The following RAB14 variants were observed in gnomAD, a reference collection of about 807,000 sequenced individuals.
RAB14 encodes the protein RAB14, member RAS oncogene family, also known as ras-related protein Rab-14.
RAB14 carries 3 observed loss-of-function variants against 31.1 expected under a neutral mutation model. The observed-to-expected ratio is 0.10, with a 90% CI of 0.04 to 0.25. The LOEUF is 0.25. Among genes scored for constraint, RAB14 ranks in the 10% least tolerant of loss-of-function variants. The probability of loss-of-function intolerance (pLI) is 1.00; values close to 1 mark genes in which losing one functional copy is unlikely to be tolerated. For missense variants in RAB14, 111 were observed against 260.1 expected, an observed-to-expected ratio of 0.43 and a Z score of 3.94; for synonymous variants, 85 against 84.9, an observed-to-expected ratio of 1.00 and a Z score of 0.00.
At chr9:121,188,073 T>TCAGA (rs1588368832) in intron 4 of RAB14, among the ~76,000 whole-genome samples, 1 of 151,962 alleles carries the variant, frequency 6.6e-6, no homozygotes, top group East Asian at 1.9e-4. Flanking sequence ...AACTCCTTAG[T>TCAGA]CAGACTTTTA....
Position 121,180,190 on chromosome 9 carries a change from C to G in RAB14, c.*1206G>C, listed in dbSNP as rs1176195909. 1 of 152,602 alleles carries G rather than the reference C, an allele frequency of 6.6e-6. No individual in the cohort carries two copies. Among genetic ancestry groups the G allele is most frequent in the Non-Finnish European group, 1.5e-5 (1 of 68,042 alleles). 9.5% of individuals were successfully genotyped at this position (152,602 alleles called of 1,614,324 possible). A position where few individuals can be genotyped will look rare whatever the true frequency, so the allele number is the denominator to read the frequency against. On this transcript the variant is annotated 3_prime_UTR_variant, in exon 8 of 8. Coordinates refer to ENST00000373840, the MANE Select transcript of RAB14 (RefSeq NM_016322.4). Reference sequence around the variant, plus strand: ...CACAGGGATATCTTAAGTTATTTCACTGTAGGGTTAAAAATGCACAATTTA... The same window carrying G: ...CACAGGGATATCTTAAGTTATTTCAGTGTAGGGTTAAAAATGCACAATTTA...
intron 1 of RAB14, among the ~76,000 whole-genome samples, chr9:121,193,722 GTA>G (rs2053698917): frequency 6.6e-6 from 1 of 151,878 alleles, no homozygotes; most frequent in African/African-American, 2.4e-5. Context: ...AATCCAATAA[GTA>G]TTAATCTGAA....
chr9:121,197,774 A>G (rs2053726306), intron 1 of RAB14, among the ~76,000 whole-genome samples: 1 of 152,228 alleles, frequency 6.6e-6, no homozygotes, highest in Non-Finnish European at 1.5e-5. Context: ...TATCCTACAT[A>G]TACAAAAGCT....
At chr9:121,195,552 A>C (rs2053710645) in intron 1 of RAB14, among the ~76,000 whole-genome samples, 1 of 152,176 alleles carries the variant, frequency 6.6e-6, no homozygotes, top group South Asian at 2.1e-4. Context: ...ACATTCATTA[A>C]ATGTGAGATA....
In RAB14 at chr9:121,180,988, C is replaced by T. The variant is rs149138111; in HGVS notation, c.*408G>A. On this transcript the variant is annotated 3_prime_UTR_variant, in exon 8 of 8. Transcript: ENST00000373840. Reference sequence around the variant, plus strand: ...ACAGCAATAAACTTATTGGTTACAACAGACATACTTGAACAGTTAAGGATG... The same window carrying T: ...ACAGCAATAAACTTATTGGTTACAATAGACATACTTGAACAGTTAAGGATG... 5.2e-5 allele frequency: 8 copies of T among 155,192 alleles called. No homozygotes were observed. The highest frequency in any genetic ancestry group is 2.9e-5 in the Non-Finnish European group (2 of 69,888). The allele number at this position is 155,192 out of a possible 1,614,324, so 9.6% of individuals were successfully genotyped here.
rs146452346 is a variant in RAB14 at position 121,188,084 on chromosome 9, TTG to T, written c.285-1067_285-1066del. ...AAAGAACTCCTTAGTCAGACTTTTA[TTG>T]TGTTACATCATATTATTCATAAATC... On this transcript the variant is annotated intron_variant, in intron 4 of 7. Transcript: ENST00000373840. 1.4e-3 allele frequency among the ~76,000 whole-genome samples: 210 copies of T among 152,120 alleles called. No individual in the cohort carries two copies. In the East Asian group the frequency reaches 0.017, roughly 12 times the overall value.
chr9:121,188,273 C>CTTTTTAAA (rs1182964443), intron 4 of RAB14, among the ~76,000 whole-genome samples: 2 of 151,924 alleles, frequency 1.3e-5, no homozygotes, highest in East Asian at 3.8e-4. Context: ...CTTTATACAA[C>CTTTTTAAA]AGGTATGTTT....
intron 6 of RAB14, 54 bp from the exon 7 acceptor site, chr9:121,183,014 C>A: frequency 6.6e-7 from 1 of 1,516,056 alleles, no homozygotes; most frequent in South Asian, 1.2e-5. Flanking sequence ...CTCACAAGTG[C>A]ACTTCTTTAG....
intron 1 of RAB14, among the ~76,000 whole-genome samples, chr9:121,201,353 G>T (rs1032196040): frequency 6.6e-5 from 10 of 152,224 alleles, no homozygotes; most frequent in Admixed American, 5.2e-4. Context: ...GGCGAGGCCG[G>T]AACACACCCT....
At position 121,192,130 on chromosome 9, in the gene RAB14, T is replaced by TA. The variant is rs2053690171; in HGVS notation, c.106+40dup. ...TTTCTAAAAAGTAGAAACATGGCGA[T>TA]AAAGAAAACTATTAATGTTTACCTC... On this transcript the variant is annotated intron_variant, in intron 3 of 7. Transcript: ENST00000373840. 4.3e-6 allele frequency: 6 copies of TA among 1,391,324 alleles called. No individual in the cohort carries two copies. In the Middle Eastern group the frequency reaches 1.1e-3, roughly 260 times the overall value. 86.2% of individuals were successfully genotyped at this position (1,391,324 alleles called of 1,614,324 possible).
Position 121,191,234 on chromosome 9 carries a change from A to G in RAB14, c.107-503T>C, listed in dbSNP as rs112931687. Reference sequence around the variant, plus strand: ...TTTAGCCTTCTTACAATCATTATCTATAACAGATCAATCAATGGTCTTGGT... The same window carrying G: ...TTTAGCCTTCTTACAATCATTATCTGTAACAGATCAATCAATGGTCTTGGT... On this transcript the variant is annotated intron_variant, in intron 3 of 7. Coordinates refer to ENST00000373840, the MANE Select transcript of RAB14 (RefSeq NM_016322.4). Among the ~76,000 whole-genome samples the G allele has an allele frequency of 1.1e-3, 174 of 152,274 alleles. 1 individual carries two copies. The highest frequency in any genetic ancestry group is 2.7e-3 in the African/African-American group (113 of 41,548).
rs1429707202 is a variant in RAB14, at chr9:121,179,505, G to GT, written c.*1890dup. ...TACCTTATATCCCAATGGGTGGTTTGTTTGTTTTGTTTTTGTAAATATACA... is the reference window on the plus strand; with the variant it reads ...TACCTTATATCCCAATGGGTGGTTTGTTTTGTTTTGTTTTTGTAAATATACA... On this transcript the variant is annotated 3_prime_UTR_variant, in exon 8 of 8. Transcript: ENST00000373840. The GT allele has an allele frequency of 1.3e-5, 2 of 152,066 alleles. No homozygotes were observed. The highest frequency in any genetic ancestry group is 3.0e-5 in the Non-Finnish European group (2 of 67,694). The allele number at this position is 152,066 out of a possible 1,614,324, so 9.4% of individuals were successfully genotyped here.
Position 121,183,252 on chromosome 9 carries a change from A to G in RAB14, c.439+59T>C, listed in dbSNP as rs996688094. On this transcript the variant is annotated intron_variant, in intron 6 of 7. Transcript: ENST00000373840. ...CAAAAAAAAACCAACAAAACTGTCA[A>G]GCCCACCTTTCCTTAAAAATTCTCC... The G allele has an allele frequency of 7.9e-6, 11 of 1,399,048 alleles. No individual in the cohort carries two copies. In the African/African-American group the frequency reaches 1.0e-4, roughly 13 times the overall value. The allele number at this position is 1,399,048 out of a possible 1,614,324, so 86.7% of individuals were successfully genotyped here.
chr9:121,183,204 A>T, intron 6 of RAB14, 107 bp downstream of exon 6: 1 of 900,188 alleles, frequency 1.1e-6, no homozygotes, highest in Non-Finnish European at 1.8e-6. Context: ...GAGATTTCTG[A>T]GTCTGCATTT....
At chr9:121,200,066 T>C (rs2053749706) in intron 1 of RAB14, among the ~76,000 whole-genome samples, 1 of 152,222 alleles carries the variant, frequency 6.6e-6, no homozygotes, top group African/African-American at 2.4e-5. Flanking sequence ...AATTATCCCC[T>C]TTATAGATAA....
chr9:121,200,647 G>T (rs974747782), intron 1 of RAB14, among the ~76,000 whole-genome samples: 1 of 152,170 alleles, frequency 6.6e-6, no homozygotes, highest in Non-Finnish European at 1.5e-5. Context: ...GAATAAAGTT[G>T]TAACTACATT....
chr9:121,188,609 G>A (rs528383570), intron 4 of RAB14, among the ~76,000 whole-genome samples: 2 of 151,382 alleles, frequency 1.3e-5, no homozygotes, highest in African/African-American at 2.4e-5. Flanking sequence ...GACAAGCTAC[G>A]CTGTCAATTT....
intron 1 of RAB14, among the ~76,000 whole-genome samples, chr9:121,196,898 T>C (rs1476488737): frequency 6.6e-6 from 1 of 152,202 alleles, no homozygotes; most frequent in Non-Finnish European, 1.5e-5. Context: ...TTTTTATAAT[T>C]CTTACTTAAT....
At chr9:121,193,257 GA>G (rs1257539710) in intron 2 of RAB14, 103 bp downstream of exon 2, 1 of 742,658 alleles carries the variant, frequency 1.3e-6, no homozygotes, top group Non-Finnish European at 2.2e-6. Flanking sequence ...TTTACAGTAA[GA>G]AAATCACTCA....
Sources: gnomAD v4.1 joint callset for allele counts (sites outside exome capture counted in the v4.1 genomes callset) on GRCh38, gnomAD v4.1.1 for gene constraint, MANE v1.5 for transcripts, NCBI Gene and HGNC (gene_info 2026-07-23, HGNC 2026-07-21) for gene names.